Variants in ATP7B observed in about 807,000 individuals in gnomAD.
ATP7B encodes ATPase copper transporting beta.
ATP7B carries 113 observed loss-of-function variants against 118.9 expected under a neutral mutation model. The observed-to-expected ratio is 0.95, with a 90% CI of 0.82 to 1.11. The LOEUF (loss-of-function observed/expected upper bound fraction) is 1.11, where lower values mean the gene tolerates loss of function less well. Among genes scored for constraint, ATP7B ranks in the 50% most tolerant of loss-of-function variants. The probability of loss-of-function intolerance (pLI) is 0.00; values close to 1 mark genes in which losing one functional copy is unlikely to be tolerated. For missense variants in ATP7B, 1,867 were observed against 1,871.4 expected (o/e 1.00, Z 0.04); for synonymous variants, 777 against 727.4 (o/e 1.07, Z -1.10).
In ATP7B at chr13:51,967,015, G is replaced by A. The variant is rs1042346296; in HGVS notation, c.1707+1429C>T. 9 of 1,612,324 alleles carry A rather than the reference G, an allele frequency of 5.6e-6. No homozygotes were observed. The Admixed American group carries it at 1.5e-4, about 27-fold the overall frequency. ...ACAGACTGTCTGCAACTTTACAGAT[G>A]GTGCATTGGTTCAGCATCAGGAGTG... On this transcript the variant is annotated intron_variant, in intron 4 of 20. Transcript: ENST00000242839.
chr13:51,963,750 A>C (rs1403562492), intron 5 of ATP7B, among the ~76,000 whole-genome samples: 1 of 143,764 alleles, frequency 7.0e-6, no homozygotes, highest in Non-Finnish European at 1.5e-5. Flanking sequence ...AAAAAAAAAA[A>C]AAAAAAAAAC....
At chr13:51,995,361 AT>A in intron 1 of ATP7B, 2 of 985,190 alleles carry the variant, frequency 2.0e-6, no homozygotes, top group Non-Finnish European at 2.4e-6. Flanking sequence ...CTCTGTGGAA[AT>A]TCTCCTTCCT....
Position 51,934,014 on chromosome 13 carries a change from C to T in ATP7B, c.*742G>A, listed in dbSNP as rs1041793482. On this transcript the variant is annotated 3_prime_UTR_variant, in exon 21 of 21. Transcript: ENST00000242839. ...ACTCCATGGAGAAGGGGGCTTTAAG[C>T]AAAAAAGAACTCTCCTCAACTTGAA... is the stretch of plus-strand genomic sequence containing the variant. 6 of 152,768 alleles carry T rather than the reference C, an allele frequency of 3.9e-5. No homozygotes were observed. In the South Asian group the frequency reaches 8.3e-4, roughly 21 times the overall value. The allele number at this position is 152,768 out of a possible 1,614,324, so 9.5% of individuals were successfully genotyped here. A position where few individuals can be genotyped will look rare whatever the true frequency, so the allele number is the denominator to read the frequency against.
intron 14 of ATP7B, among the ~76,000 whole-genome samples, chr13:51,942,936 T>C (rs1957423942): frequency 6.6e-6 from 1 of 152,180 alleles, no homozygotes; most frequent in Non-Finnish European, 1.5e-5. Flanking sequence ...GAGATGTGAA[T>C]TTTATGTTGC....
intron 2 of ATP7B, among the ~76,000 whole-genome samples, chr13:51,972,289 G>A (rs1426451151): frequency 1.3e-5 from 2 of 152,162 alleles, no homozygotes; most frequent in Non-Finnish European, 2.9e-5. Flanking sequence ...GCGAAGATAC[G>A]ATTCAGACCT....
chr13:51,937,987 C>T (rs918402359), intron 17 of ATP7B, among the ~76,000 whole-genome samples: 4 of 152,146 alleles, frequency 2.6e-5, no homozygotes, highest in South Asian at 2.1e-4. Context: ...CCAAAGCATC[C>T]GTCCGGCCAT....
chr13:51,998,426 T>C (rs1355183093), intron 1 of ATP7B, among the ~76,000 whole-genome samples: 2 of 152,238 alleles, frequency 1.3e-5, no homozygotes, highest in Admixed American at 6.5e-5. Context: ...ATATTTACAT[T>C]TGAATAAGTA....
chr13:51,991,496 GA>G (rs971759866), intron 1 of ATP7B, among the ~76,000 whole-genome samples: 33 of 151,146 alleles, frequency 2.2e-4, no homozygotes, highest in Admixed American at 6.6e-5. Flanking sequence ...ACCCTGTCGG[GA>G]AAAAAACAAA....
rs1243053467 is a variant in ATP7B at position 51,973,979 on chromosome 13, C to A, written c.1241G>T (p.Arg414Ile). The change falls in exon 2 of 21, where the codon AGA becomes ATA. Residue 414 changes from arginine (R) to isoleucine (I), a missense_variant. Coordinates refer to ENST00000242839, the MANE Select transcript of ATP7B (RefSeq NM_000053.4). ...AAATCCCATGTCTTCTATAGCAGCT[C>A]TGAGTTCTTCTGGGCTAATTACAGA... ...NPSVISPEEL[R>I]AAIEDMGFEA... 2 of 1,614,258 alleles carry A rather than the reference C, an allele frequency of 1.2e-6. No homozygotes were observed. The highest frequency in any genetic ancestry group is 2.2e-5 in the East Asian group (1 of 44,886).
At chr13:51,971,815 T>C (rs1429101618) in intron 2 of ATP7B, among the ~76,000 whole-genome samples, 1 of 152,204 alleles carries the variant, frequency 6.6e-6, no homozygotes, top group Non-Finnish European at 1.5e-5. Flanking sequence ...GAGTGAACTT[T>C]TCAAGGACAC....
chr13:52,011,596 G>C (rs1675744174), upstream of ATP7B: 2 of 596,588 alleles, frequency 3.4e-6, no homozygotes, highest in Admixed American at 5.2e-5. Flanking sequence ...GGGGATGAGA[G>C]CGTGAGGGGA....
intron 9 of ATP7B, among the ~76,000 whole-genome samples, chr13:51,951,313 A>G (rs1261196998): frequency 6.6e-6 from 1 of 152,160 alleles, no homozygotes; most frequent in Non-Finnish European, 1.5e-5. Context: ...GGGTGGATAG[A>G]GAAACCATTT....
intron 1 of ATP7B, among the ~76,000 whole-genome samples, chr13:51,983,929 G>A (rs995509349): frequency 2.0e-5 from 3 of 152,098 alleles, no homozygotes; most frequent in Non-Finnish European, 4.4e-5. Context: ...AAAAAGCAAA[G>A]GTAGATAAAT....
chr13:51,961,202 T>C (rs1223706750), intron 6 of ATP7B, among the ~76,000 whole-genome samples: 3 of 151,768 alleles, frequency 2.0e-5, no homozygotes, highest in Non-Finnish European at 4.4e-5. Context: ...GCCAGAGCCA[T>C]TGATTTCATT....
Position 51,983,777 on chromosome 13 carries a change from A to T in ATP7B, c.52-8609T>A, listed in dbSNP as rs185305982. Among the ~76,000 whole-genome samples, 24 of 152,316 alleles carry T rather than the reference A, an allele frequency of 1.6e-4. No individual in the cohort carries two copies. The East Asian group carries it at 4.1e-3, about 26-fold the overall frequency. ...TGATACTCAGGCAAACAGGGTCTGG[A>T]GTGGACCTCCAGCAAACTCTAGCAG... On this transcript the variant is annotated intron_variant, in intron 1 of 20. Coordinates refer to ENST00000242839, the MANE Select transcript of ATP7B (RefSeq NM_000053.4).
intron 5 of ATP7B, 190 bp downstream of exon 5, chr13:51,964,682 C>G (rs898827722): frequency 1.6e-6 from 1 of 625,432 alleles, no homozygotes; most frequent in African/African-American, 1.8e-5. Flanking sequence ...TCACTGATAT[C>G]CTCCCTCAGA....
At chr13:52,011,832 G>A (rs989888905), upstream of ATP7B, among the ~76,000 whole-genome samples, 1 of 152,256 alleles carries the variant, frequency 6.6e-6, no homozygotes, top group East Asian at 1.9e-4. Context: ...GGGAGCGGGA[G>A]GGCAGGTGAG....
At chr13:51,999,244 G>C (rs1953367076) in intron 1 of ATP7B, among the ~76,000 whole-genome samples, 1 of 152,192 alleles carries the variant, frequency 6.6e-6, no homozygotes, top group South Asian at 2.1e-4. Context: ...GCAAAGAGCA[G>C]TATTCAAAGT....
At chr13:51,978,176 A>T (rs1481600599) in intron 1 of ATP7B, among the ~76,000 whole-genome samples, 1 of 152,208 alleles carries the variant, frequency 6.6e-6, no homozygotes, top group Non-Finnish European at 1.5e-5. Flanking sequence ...ACAAAAAATT[A>T]TTCAAATGAA....
Sources: gnomAD v4.1 joint callset for allele counts (sites outside exome capture counted in the v4.1 genomes callset) on GRCh38, gnomAD v4.1.1 for gene constraint, MANE v1.5 for transcripts, NCBI Gene and HGNC (gene_info 2026-07-23, HGNC 2026-07-21) for gene names.